The following FCHSD2 variants were observed in gnomAD, a reference collection of about 807,000 sequenced individuals.
The protein encoded by FCHSD2 is F-BAR and double SH3 domains protein 2.
In FCHSD2, 38 loss-of-function variants were observed where a neutral mutation model predicts 108.1. That is an observed-to-expected ratio of 0.35 (90% CI 0.27 to 0.46). The LOEUF (loss-of-function observed/expected upper bound fraction) is 0.46. FCHSD2 is among the 20% of genes least tolerant of loss of function. The probability of loss-of-function intolerance (pLI) is 1.00; values close to 1 mark genes in which losing one functional copy is unlikely to be tolerated. For synonymous variants in FCHSD2, 279 were observed against 314.7 expected, an observed-to-expected ratio of 0.89 and a Z score of 1.20; for missense variants, 751 against 897.8, an observed-to-expected ratio of 0.84 and a Z score of 2.09.
chr11:72,870,899 C>CAAAAA (rs55827213), intron 12 of FCHSD2, among the ~76,000 whole-genome samples: 9 of 76,970 alleles, frequency 1.2e-4, no homozygotes, highest in Admixed American at 1.8e-4. Context: ...GACTCCGTCT[C>CAAAAA]AAAAAAAAAA....
At chr11:73,045,768 T>A (rs1259384660) in intron 3 of FCHSD2, among the ~76,000 whole-genome samples, 1 of 142,120 alleles carries the variant, frequency 7.0e-6, no homozygotes, top group Non-Finnish European at 1.5e-5. Context: ...GGGACTGTTG[T>A]GGGGTGGGGG....
chr11:72,980,714 A>G (rs1380118810), intron 8 of FCHSD2, among the ~76,000 whole-genome samples: 1 of 149,674 alleles, frequency 6.7e-6, no homozygotes, highest in Non-Finnish European at 1.5e-5. Context: ...GTATGTATAT[A>G]TATGTATGTG....
rs1446416328 is a variant in FCHSD2, at chr11:73,051,910, CACACA to C, written c.165+31780_165+31784del. Among the ~76,000 whole-genome samples, 1,359 of 145,554 alleles carry C rather than the reference CACACA, an allele frequency of 9.3e-3. 21 individuals carry two copies. Among genetic ancestry groups the C allele is most frequent in the African/African-American group, 0.029 (1,128 of 38,596 alleles). ...ACACACACACACACACACACACACA[CACACA>C]CCCCACACACACTGACATCAGGGAA... On this transcript the variant is annotated intron_variant, in intron 3 of 19. Coordinates refer to ENST00000409418, the MANE Select transcript of FCHSD2 (RefSeq NM_014824.3).
intron 3 of FCHSD2, among the ~76,000 whole-genome samples, chr11:73,056,837 C>T (rs111777107): frequency 1.1e-3 from 160 of 152,232 alleles, no homozygotes; most frequent in Middle Eastern, 3.4e-3. Flanking sequence ...AATCCCAGCA[C>T]TTTGGGAGGC....
intron 7 of FCHSD2, 87 bp from the exon 8 acceptor site, chr11:72,984,303 T>C (rs1591457185): frequency 8.0e-7 from 1 of 1,255,836 alleles, no homozygotes; most frequent in Non-Finnish European, 1.1e-6. Flanking sequence ...TTGCAATTAA[T>C]GGCTCCCCAA....
intron 9 of FCHSD2, among the ~76,000 whole-genome samples, chr11:72,907,231 G>A (rs957015670): frequency 8.5e-5 from 13 of 152,116 alleles, no homozygotes; most frequent in Non-Finnish European, 1.5e-4. Context: ...AGGAGATTTT[G>A]GGCTGAGACA....
intron 8 of FCHSD2, among the ~76,000 whole-genome samples, chr11:72,964,750 C>T (rs1856874208): frequency 6.6e-6 from 1 of 151,674 alleles, no homozygotes; most frequent in Admixed American, 6.6e-5. Flanking sequence ...ATATTGCTGC[C>T]AGAGTAATCC....
intron 2 of FCHSD2, among the ~76,000 whole-genome samples, chr11:73,093,732 G>A (rs1565406900): frequency 6.6e-6 from 1 of 152,006 alleles, no homozygotes; most frequent in Non-Finnish European, 1.5e-5. Context: ...CTCCCAAGTA[G>A]CTGGGATTAC....
intron 10 of FCHSD2, chr11:72,900,119 G>C (rs1855496663): frequency 1.9e-6 from 1 of 540,258 alleles, no homozygotes; most frequent in East Asian, 3.1e-5. Flanking sequence ...TAATTTATAA[G>C]AGAAAACACA....
At chr11:72,842,905 C>G (rs1276644463) in intron 16 of FCHSD2, 64 bp from the exon 17 acceptor site, 1 of 1,257,086 alleles carries the variant, frequency 8.0e-7, no homozygotes, top group African/African-American at 1.5e-5. Context: ...TTGCAACCAC[C>G]CCTATGCTCA....
At chr11:72,956,113 GT>G (rs1167848124) in intron 8 of FCHSD2, among the ~76,000 whole-genome samples, 3 of 152,180 alleles carry the variant, frequency 2.0e-5, no homozygotes, top group Non-Finnish European at 4.4e-5. Flanking sequence ...ACTCCTATCA[GT>G]CAAGTATGGA....
chr11:72,946,955 G>T (rs931814496), intron 8 of FCHSD2, among the ~76,000 whole-genome samples: 1 of 152,204 alleles, frequency 6.6e-6, no homozygotes, highest in African/African-American at 2.4e-5. Context: ...TGTGGGACTA[G>T]TCTTTGCAGC....
chr11:73,074,412 GA>G (rs1482346565), intron 3 of FCHSD2, among the ~76,000 whole-genome samples: 1 of 152,090 alleles, frequency 6.6e-6, no homozygotes, highest in African/African-American at 2.4e-5. Flanking sequence ...TATCCACATA[GA>G]AAATGAAATC....
intron 1 of FCHSD2, among the ~76,000 whole-genome samples, chr11:73,140,958 A>C (rs906591360): frequency 6.6e-6 from 1 of 152,244 alleles, no homozygotes; most frequent in African/African-American, 2.4e-5. Context: ...ATTAGGAAAG[A>C]GAGAAAGCAG....
intron 11 of FCHSD2, among the ~76,000 whole-genome samples, chr11:72,888,963 T>C (rs1051026470): frequency 6.7e-6 from 1 of 149,558 alleles, no homozygotes; most frequent in East Asian, 2.0e-4. Context: ...GTCTTTCTTT[T>C]TTCTTTTTAT....
chr11:73,016,349 C>A (rs1424297838), intron 3 of FCHSD2, among the ~76,000 whole-genome samples: 1 of 151,380 alleles, frequency 6.6e-6, no homozygotes, highest in Non-Finnish European at 1.5e-5. Flanking sequence ...ACCAACCAAC[C>A]AAACAAACAA....
chr11:73,108,239 T>C (rs529661388), intron 2 of FCHSD2, among the ~76,000 whole-genome samples: 3 of 152,376 alleles, frequency 2.0e-5, no homozygotes, highest in South Asian at 4.1e-4. Context: ...TTTGCCCATT[T>C]CTTAATCAGA....
At chr11:73,141,682 G>A in intron 1 of FCHSD2, among the ~76,000 whole-genome samples, 175 bp downstream of exon 1, 1 of 152,178 alleles carries the variant, frequency 6.6e-6, no homozygotes, top group East Asian at 1.9e-4. Flanking sequence ...CCCTCTGTCG[G>A]AAAGGCAACT....
intron 8 of FCHSD2, chr11:72,940,609 A>G: frequency 6.9e-7 from 1 of 1,443,910 alleles, no homozygotes; most frequent in Non-Finnish European, 9.7e-7. Context: ...TGCTCTCCAC[A>G]GGGCTCCCCG....
Sources: gnomAD v4.1 joint callset for allele counts (sites outside exome capture counted in the v4.1 genomes callset) on GRCh38, gnomAD v4.1.1 for gene constraint, MANE v1.5 for transcripts, NCBI Gene and HGNC (gene_info 2026-07-23, HGNC 2026-07-21) for gene names.